MALRD1: variants seen among roughly 807,000 people sequenced by gnomAD.
The protein encoded by MALRD1 is MAM and LDL receptor class A domain containing 1.
Under a neutral mutation model 242.1 loss-of-function variants are expected in MALRD1, and 247 were observed. The ratio of observed to expected loss-of-function variants is 1.02; its 90% CI spans 0.92 to 1.13. MALRD1 has a LOEUF of 1.13. MALRD1 is among the 50% of genes most tolerant of loss of function. The pLI is 0.00. For synonymous variants in MALRD1, 995 were observed against 866.6 expected, an observed-to-expected ratio of 1.15 and a Z score of -2.60; for missense variants, 2,989 against 2,533.1, an observed-to-expected ratio of 1.18 and a Z score of -3.86.
At position 19,164,398 on chromosome 10, in the gene MALRD1, G is replaced by A. The variant is rs528198801; in HGVS notation, c.1657-1239G>A. 1.7e-4 allele frequency among the ~76,000 whole-genome samples: 26 copies of A among 152,156 alleles called. No individual in the cohort carries two copies. The South Asian group carries it at 5.2e-3, about 30-fold the overall frequency. ...AATCTGTCCATTTATCAGTATAAAA[G>A]CACAATGATGAATGGGAAAACATTT... On this transcript the variant is annotated intron_variant, in intron 12 of 39. Transcript: ENST00000454679.
chr10:19,090,586 C>G, intron 4 of MALRD1, among the ~76,000 whole-genome samples: 1 of 11,638 alleles, frequency 8.6e-5, no homozygotes, highest in Non-Finnish European at 1.3e-4. Context: ...TTATTTCCTT[C>G]TCCTGCCTGA....
intron 26 of MALRD1, among the ~76,000 whole-genome samples, chr10:19,360,348 T>C (rs1422281353): frequency 2.6e-5 from 4 of 152,194 alleles, no homozygotes; most frequent in South Asian, 2.1e-4. Context: ...AAAATACTTA[T>C]CTTCTGTTCG....
intron 29 of MALRD1, among the ~76,000 whole-genome samples, chr10:19,454,839 TCTTA>T (rs1039503257): frequency 7.2e-5 from 11 of 151,982 alleles, no homozygotes; most frequent in African/African-American, 2.2e-4. Context: ...CATATTTCTT[TCTTA>T]CTTTCTATGC....
intron 28 of MALRD1, among the ~76,000 whole-genome samples, chr10:19,396,700 A>C (rs1002573062): frequency 9.2e-5 from 14 of 152,128 alleles, no homozygotes; most frequent in African/African-American, 3.4e-4. Flanking sequence ...TTGTCCCTCA[A>C]AGTTTTCCAG....
chr10:19,253,473 G>A (rs1181306408), intron 18 of MALRD1, among the ~76,000 whole-genome samples: 1 of 151,920 alleles, frequency 6.6e-6, no homozygotes, highest in Non-Finnish European at 1.5e-5. Flanking sequence ...CAAATGTACA[G>A]TTGTCTTTTG....
At position 19,280,064 on chromosome 10, in the gene MALRD1, C is replaced by T; in HGVS notation, c.3097C>T (p.Leu1033Phe). The T allele has an allele frequency of 6.6e-7, 1 of 1,510,350 alleles. No homozygotes were observed. The highest frequency in any genetic ancestry group is 1.3e-5 in the South Asian group (1 of 77,036). 93.6% of individuals were successfully genotyped at this position (1,510,350 alleles called of 1,614,324 possible). Residue 1033 changes from leucine to phenylalanine, a missense_variant, in exon 20 of 40, where the codon CTC (leucine) becomes TTC (phenylalanine). Coordinates refer to ENST00000454679, the MANE Select transcript of MALRD1 (RefSeq NM_001142308.3). ...TLYPGNLPAD[L>F]PTPPETSVPV... The stretch of plus-strand genomic sequence containing the variant: ...TTATCAAGGTAATTTGCCAGCAGAC[C>T]TCCCAACTCCACCAGAAACGTCAGT...
intron 26 of MALRD1, among the ~76,000 whole-genome samples, chr10:19,380,066 C>T (rs1414582978): frequency 2.0e-5 from 3 of 151,090 alleles, no homozygotes; most frequent in African/African-American, 7.3e-5. Context: ...CCTCTGCCTC[C>T]CAGGTTCCAG....
At chr10:19,327,106 G>A (rs1002524002) in intron 22 of MALRD1, among the ~76,000 whole-genome samples, 7 of 151,954 alleles carry the variant, frequency 4.6e-5, no homozygotes, top group African/African-American at 1.7e-4. Flanking sequence ...CCATCTGTGC[G>A]CTTACAATGA....
intron 32 of MALRD1, among the ~76,000 whole-genome samples, chr10:19,546,360 T>A (rs1033222058): frequency 3.3e-5 from 5 of 152,180 alleles, no homozygotes; most frequent in African/African-American, 1.2e-4. Context: ...TTGAAGGAGG[T>A]ACACGTATTT....
At chr10:19,413,977 A>C (rs944536777) in intron 28 of MALRD1, among the ~76,000 whole-genome samples, 21 of 151,512 alleles carry the variant, frequency 1.4e-4, no homozygotes, top group African/African-American at 3.9e-4. Flanking sequence ...AAAAAAAAAA[A>C]ACAATGATTT....
intron 38 of MALRD1, among the ~76,000 whole-genome samples, chr10:19,719,232 A>ATATATGTG (rs1834610130): frequency 2.5e-5 from 1 of 39,616 alleles, no homozygotes; most frequent in African/African-American, 1.6e-4. Context: ...ACATATATAT[A>ATATATGTG]TATATATATA....
chr10:19,605,016 A>G (rs1838538391), intron 34 of MALRD1, among the ~76,000 whole-genome samples: 1 of 152,000 alleles, frequency 6.6e-6, no homozygotes, highest in Admixed American at 6.6e-5. Context: ...ATTATTTCCT[A>G]GTTTACTTGG....
chr10:19,338,470 T>C (rs1354735063), intron 24 of MALRD1, among the ~76,000 whole-genome samples: 2 of 152,120 alleles, frequency 1.3e-5, no homozygotes, highest in Non-Finnish European at 2.9e-5. Flanking sequence ...ATGGATGTGA[T>C]AGCTCAATTA....
chr10:19,567,396 T>G (rs986021757), intron 32 of MALRD1, 106 bp from the exon 33 acceptor site: 2 of 930,988 alleles, frequency 2.1e-6, no homozygotes, highest in Admixed American at 2.4e-5. Context: ...AGTCAATGTA[T>G]TGAGCTGTTA....
At position 19,324,110 on chromosome 10, in the gene MALRD1, T is replaced by G. The variant is rs1843016991; in HGVS notation, c.3576+5T>G. ...GCCACCGTTGGTTCTCTCCAGGTAC[T>G]GCTTAGGCAATCACATTTTCTGAAT... is the stretch of plus-strand genomic sequence containing the variant. On this transcript the variant is annotated splice_donor_5th_base_variant and intron_variant, in intron 22 of 39. Coordinates refer to ENST00000454679, the MANE Select transcript of MALRD1 (RefSeq NM_001142308.3). The G allele has an allele frequency of 6.5e-7, 1 of 1,546,496 alleles. No homozygotes were observed. The highest frequency in any genetic ancestry group is 8.7e-7 in the Non-Finnish European group (1 of 1,145,360).
intron 21 of MALRD1, among the ~76,000 whole-genome samples, chr10:19,321,618 T>A (rs1842918319): frequency 6.6e-6 from 1 of 152,196 alleles, no homozygotes; most frequent in Admixed American, 6.5e-5. Flanking sequence ...TTGTCTTTTC[T>A]TTTTGTTAGA....
intron 14 of MALRD1, among the ~76,000 whole-genome samples, chr10:19,192,269 T>C (rs1028196551): frequency 3.3e-5 from 5 of 152,226 alleles, no homozygotes; most frequent in African/African-American, 1.2e-4. Flanking sequence ...TTGGTGATGG[T>C]TGTGCAACAA....
intron 24 of MALRD1, among the ~76,000 whole-genome samples, chr10:19,336,500 G>A (rs761819016): frequency 2.0e-4 from 30 of 152,062 alleles, no homozygotes; most frequent in Non-Finnish European, 4.0e-4. Flanking sequence ...GAACAAAAAA[G>A]GGTTATAATT....
At chr10:19,666,893 T>C (rs1416440260) in intron 36 of MALRD1, among the ~76,000 whole-genome samples, 1 of 152,158 alleles carries the variant, frequency 6.6e-6, no homozygotes, top group East Asian at 1.9e-4. Context: ...GAGTGACTTA[T>C]CTGAGTGGAA....
Sources: allele counts gnomAD v4.1 joint callset (sites outside exome capture counted in the v4.1 genomes callset), GRCh38; gene constraint gnomAD v4.1.1; transcripts MANE v1.5; gene names NCBI Gene and HGNC (gene_info 2026-07-23, HGNC 2026-07-21).